LRFN2: variants seen among roughly 807,000 people sequenced by gnomAD.
LRFN2 encodes leucine rich repeat and fibronectin type III domain containing 2, also known as leucine-rich repeat and fibronectin type-III domain-containing protein 2.
LRFN2 carries 18 observed loss-of-function variants against 37.3 expected under a neutral mutation model. The observed-to-expected ratio is 0.48, with a 90% CI of 0.33 to 0.72. The LOEUF is 0.72. Among genes scored for constraint, LRFN2 ranks in the 30% least tolerant of loss-of-function variants. LRFN2 has a pLI of 0.02. For missense variants in LRFN2, 1,006 were observed against 1,060.7 expected, an observed-to-expected ratio of 0.95 and a Z score of 0.72; for synonymous variants, 556 against 466.6, an observed-to-expected ratio of 1.19 and a Z score of -2.47.
chr6:40,393,050 CAG>C, intron 2 of LRFN2, 138 bp from the exon 3 acceptor site: 1 of 710,856 alleles, frequency 1.4e-6, no homozygotes, highest in Non-Finnish European at 2.3e-6. Flanking sequence ...CACGGGGACA[CAG>C]AGAGAATGGG....
At chr6:40,495,106 C>A (rs922126676) in intron 1 of LRFN2, among the ~76,000 whole-genome samples, 24 of 152,210 alleles carry the variant, frequency 1.6e-4, no homozygotes, top group African/African-American at 5.5e-4. Context: ...TGAACCTTTC[C>A]AGGTAGTGTT....
chr6:40,564,701 T>C (rs1381523363), intron 1 of LRFN2, among the ~76,000 whole-genome samples: 1 of 152,200 alleles, frequency 6.6e-6, no homozygotes, highest in Non-Finnish European at 1.5e-5. Flanking sequence ...CTTTTCAAAA[T>C]GTAAATCTGG....
chr6:40,479,151 G>A (rs1011578276), intron 1 of LRFN2, among the ~76,000 whole-genome samples: 4 of 152,222 alleles, frequency 2.6e-5, no homozygotes, highest in Admixed American at 2.6e-4. Context: ...TACCGCAGGA[G>A]GTTAAGTGAA....
At chr6:40,572,987 C>A (rs1318235394) in intron 1 of LRFN2, among the ~76,000 whole-genome samples, 7 of 152,198 alleles carry the variant, frequency 4.6e-5, no homozygotes, top group African/African-American at 1.7e-4. Context: ...GCATAGCCGC[C>A]CCAGTGATGA....
At chr6:40,556,949 C>G (rs1766902754) in intron 1 of LRFN2, among the ~76,000 whole-genome samples, 1 of 152,206 alleles carries the variant, frequency 6.6e-6, no homozygotes, top group African/African-American at 2.4e-5. Context: ...TCACTTCAGA[C>G]AGTGAGCTCC....
At chr6:40,463,698 G>C (rs1473659195) in intron 1 of LRFN2, among the ~76,000 whole-genome samples, 1 of 117,518 alleles carries the variant, frequency 8.5e-6, no homozygotes, top group Non-Finnish European at 1.8e-5. Context: ...TTTTTTTGAG[G>C]CAGGGTCTCA....
chr6:40,465,548 A>T (rs1199503356), intron 1 of LRFN2, among the ~76,000 whole-genome samples: 1 of 152,092 alleles, frequency 6.6e-6, no homozygotes, highest in Admixed American at 6.6e-5. Context: ...TCAGATCCTG[A>T]CTTGGTTTAC....
At chr6:40,538,322 G>C (rs1299726569) in intron 1 of LRFN2, among the ~76,000 whole-genome samples, 2 of 152,084 alleles carry the variant, frequency 1.3e-5, no homozygotes, top group African/African-American at 4.8e-5. Context: ...CTCCAGCTGT[G>C]TAGCAGCCCC....
intron 1 of LRFN2, among the ~76,000 whole-genome samples, chr6:40,434,596 C>A (rs998947423): frequency 6.6e-6 from 1 of 151,920 alleles, no homozygotes; most frequent in South Asian, 2.1e-4. Context: ...CCTGCCTCAG[C>A]CTCCCAAATA....
At chr6:40,532,380 C>G (rs1337684081) in intron 1 of LRFN2, among the ~76,000 whole-genome samples, 1 of 152,144 alleles carries the variant, frequency 6.6e-6, no homozygotes, top group Non-Finnish European at 1.5e-5. Context: ...TATATTTGTT[C>G]AATTTATATT....
chr6:40,488,084 GCCAA>G (rs1765008394), intron 1 of LRFN2, among the ~76,000 whole-genome samples: 1 of 152,096 alleles, frequency 6.6e-6, no homozygotes, highest in Non-Finnish European at 1.5e-5. Flanking sequence ...GAAGACGAAA[GCCAA>G]CCAAAAAAGG....
chr6:40,483,518 A>C (rs1174112576), intron 1 of LRFN2, among the ~76,000 whole-genome samples: 1 of 152,230 alleles, frequency 6.6e-6, no homozygotes, highest in African/African-American at 2.4e-5. Flanking sequence ...CAAGAACAAC[A>C]ATGGCAACGG....
chr6:40,458,664 A>G (rs1764283838), intron 1 of LRFN2, among the ~76,000 whole-genome samples: 2 of 152,212 alleles, frequency 1.3e-5, no homozygotes, highest in Admixed American at 6.5e-5. Flanking sequence ...TAGAATGGCA[A>G]TGTGACCTTG....
At chr6:40,564,864 C>T (rs1013537001) in intron 1 of LRFN2, among the ~76,000 whole-genome samples, 6 of 152,136 alleles carry the variant, frequency 3.9e-5, no homozygotes, top group Non-Finnish European at 8.8e-5. Context: ...ATCATATCCT[C>T]CAACCCCAAA....
intron 2 of LRFN2, among the ~76,000 whole-genome samples, chr6:40,406,212 G>A (rs1392711829): frequency 3.9e-5 from 6 of 152,216 alleles, no homozygotes; most frequent in Admixed American, 6.5e-5. Context: ...GGGTTGCTAC[G>A]AGGATGAAAT....
intron 1 of LRFN2, chr6:40,516,334 A>C (rs1765871773): frequency 6.6e-6 from 1 of 152,178 alleles, no homozygotes; most frequent in Non-Finnish European, 1.5e-5. Flanking sequence ...AAACACTGAG[A>C]CTTTGTTATT....
At chr6:40,518,275 C>T (rs563061737) in intron 1 of LRFN2, among the ~76,000 whole-genome samples, 6 of 152,268 alleles carry the variant, frequency 3.9e-5, no homozygotes, top group Admixed American at 1.3e-4. Flanking sequence ...TTATTCTGTT[C>T]CCTGCTCTCT....
intron 2 of LRFN2, among the ~76,000 whole-genome samples, chr6:40,430,419 G>T (rs1026025195): frequency 6.6e-6 from 1 of 152,198 alleles, no homozygotes; most frequent in African/African-American, 2.4e-5. Flanking sequence ...GGGCCCTTTG[G>T]CTGTGTGATG....
intron 1 of LRFN2, among the ~76,000 whole-genome samples, chr6:40,477,330 G>A (rs1220835442): frequency 6.6e-6 from 1 of 152,158 alleles, no homozygotes; most frequent in Non-Finnish European, 1.5e-5. Flanking sequence ...GGCTGGCTGG[G>A]AAGAGGTCAT....
Sources: allele counts gnomAD v4.1 joint callset (sites outside exome capture counted in the v4.1 genomes callset), GRCh38; gene constraint gnomAD v4.1.1; transcripts MANE v1.5; gene names NCBI Gene and HGNC (gene_info 2026-07-23, HGNC 2026-07-21).